Variants in CCDC93 observed in about 807,000 individuals in gnomAD.
The protein encoded by CCDC93 is coiled-coil domain-containing protein 93.
CCDC93 carries 61 observed loss-of-function variants against 108.2 expected under a neutral mutation model. The ratio of observed to expected loss-of-function variants is 0.56; its 90% CI spans 0.46 to 0.70. The LOEUF is 0.70. Among genes scored for constraint, CCDC93 ranks in the 30% least tolerant of loss-of-function variants. The probability of loss-of-function intolerance (pLI) is 0.00; values close to 1 mark genes in which losing one functional copy is unlikely to be tolerated. For synonymous variants in CCDC93, 276 were observed against 260.4 expected (o/e 1.06, Z -0.58); for missense variants, 685 against 764.2 (o/e 0.90, Z 1.22).
At chr2:117,923,641 C>T (rs1677966053) in intron 23 of CCDC93, among the ~76,000 whole-genome samples, 1 of 149,296 alleles carries the variant, frequency 6.7e-6, no homozygotes, top group Non-Finnish European at 1.5e-5. Context: ...GTGGAGCTCA[C>T]CGCAGCACAA....
Position 117,918,181 on chromosome 2 carries a change from A to C in CCDC93, c.*2162T>G, listed in dbSNP as rs1677748149. On this transcript the variant is annotated 3_prime_UTR_variant, in exon 24 of 24. Coordinates refer to ENST00000376300, the MANE Select transcript of CCDC93 (RefSeq NM_019044.5). ...CAAAAAGTCATGTAACATCCTAATT[A>C]CTCAGAAAGGCACTGTCCACACTGA... 1 of 152,154 alleles carries C rather than the reference A, an allele frequency of 6.6e-6. No homozygotes were observed. The highest frequency in any genetic ancestry group is 2.4e-5 in the African/African-American group (1 of 41,428). The allele number at this position is 152,154 out of a possible 1,614,324, so 9.4% of individuals were successfully genotyped here.
intron 2 of CCDC93, among the ~76,000 whole-genome samples, chr2:118,007,622 T>C (rs1297910149): frequency 2.0e-5 from 3 of 152,316 alleles, no homozygotes; most frequent in Non-Finnish European, 2.9e-5. Flanking sequence ...TGAGCCAAGA[T>C]TGAGCCATTG....
At chr2:117,934,287 A>C (rs1234677579) in intron 22 of CCDC93, among the ~76,000 whole-genome samples, 1 of 152,132 alleles carries the variant, frequency 6.6e-6, no homozygotes, top group Non-Finnish European at 1.5e-5. Context: ...CGTCTAACAC[A>C]CTGACACCTG....
At chr2:117,984,195 T>C (rs1680245326) in intron 7 of CCDC93, among the ~76,000 whole-genome samples, 1 of 151,920 alleles carries the variant, frequency 6.6e-6, no homozygotes, top group South Asian at 2.1e-4. Context: ...AAAAACAAAA[T>C]AACATCTCTC....
intron 12 of CCDC93, among the ~76,000 whole-genome samples, chr2:117,953,637 T>C (rs923132185): frequency 2.6e-5 from 4 of 151,062 alleles, no homozygotes; most frequent in African/African-American, 9.7e-5. Flanking sequence ...TGGGAAGTGA[T>C]TAAGTCATGA....
intron 3 of CCDC93, among the ~76,000 whole-genome samples, chr2:118,005,899 T>C (rs545215441): frequency 1.4e-4 from 21 of 152,286 alleles, no homozygotes; most frequent in African/African-American, 4.8e-4. Context: ...TGATGCTCAG[T>C]TACTCACAGA....
chr2:117,919,691 A>G lies in CCDC93; in HGVS notation c.*652T>C, dbSNP rs1275136488. 6.6e-6 allele frequency: 1 copy of G among 152,224 alleles called. No individual in the cohort carries two copies. The highest frequency in any genetic ancestry group is 1.5e-5 in the Non-Finnish European group (1 of 68,042). The allele number at this position is 152,224 out of a possible 1,614,324, so 9.4% of individuals were successfully genotyped here. On this transcript the variant is annotated 3_prime_UTR_variant, in exon 24 of 24. Transcript: ENST00000376300. ...TTGAGTAACGTATAAAAATTAAAAC[A>G]ACACTGAACTTTCGTTCCAGTTGCT...
chr2:117,958,470 T>C lies in CCDC93; in HGVS notation c.900A>G (p.Leu300=), dbSNP rs1049917783. 2 of 1,582,882 alleles carry C rather than the reference T, an allele frequency of 1.3e-6. No homozygotes were observed. Among genetic ancestry groups the C allele is most frequent in the Non-Finnish European group, 1.7e-6 (2 of 1,151,600 alleles). Residue 300 remains leucine (L), a synonymous_variant, in exon 12 of 24, where the codon CTA becomes CTG. Transcript: ENST00000376300. ...ATTTTTCTGGACTTTCTTCAGCTGA[T>C]AGCTCAGACTGCTGTGGAAAAAAGG... The part of the protein sequence containing the change: ...VSEYAEKQSE[L]SAEESPEKLG...
chr2:118,003,331 T>A (rs1294167423), intron 3 of CCDC93, among the ~76,000 whole-genome samples: 1 of 152,208 alleles, frequency 6.6e-6, no homozygotes, highest in East Asian at 1.9e-4. Flanking sequence ...CATAGCTTAT[T>A]TAATTTCCTT....
chr2:118,012,764 C>A (rs1677054241), intron 1 of CCDC93: 1 of 152,216 alleles, frequency 6.6e-6, no homozygotes, highest in Non-Finnish European at 1.5e-5. Context: ...CTTAAGACAA[C>A]AAAATGGACT....
intron 4 of CCDC93, chr2:117,998,081 C>G (rs1046911730): frequency 1.3e-5 from 2 of 152,210 alleles, no homozygotes. Context: ...TTCCCTAGCA[C>G]TCAAGAAAAA....
chr2:117,921,461 G>A (rs1677867958), intron 23 of CCDC93, among the ~76,000 whole-genome samples: 2 of 152,018 alleles, frequency 1.3e-5, no homozygotes, highest in South Asian at 4.1e-4. Flanking sequence ...CCATTCTCTG[G>A]GCAGGGTCAC....
chr2:117,994,684 A>T (rs551029896), intron 6 of CCDC93, among the ~76,000 whole-genome samples: 5 of 152,364 alleles, frequency 3.3e-5, no homozygotes, highest in Admixed American at 3.3e-4. Context: ...TCTGTATAAG[A>T]AGTACATCTG....
At chr2:118,001,016 C>CTTTA in intron 3 of CCDC93, 84 bp from the exon 4 acceptor site, 1 of 807,814 alleles carries the variant, frequency 1.2e-6, no homozygotes, top group Non-Finnish European at 2.1e-6. Flanking sequence ...GCATCACAGA[C>CTTTA]GGATCTGGGA....
intron 22 of CCDC93, among the ~76,000 whole-genome samples, chr2:117,932,568 A>G (rs1310636415): frequency 4.6e-5 from 7 of 152,152 alleles, no homozygotes; most frequent in Non-Finnish European, 1.0e-4. Context: ...ACAGGTCTGC[A>G]TACGGATGCC....
chr2:117,975,531 TTTGCCTGACTTACCC>T (rs1425619096), intron 8 of CCDC93, among the ~76,000 whole-genome samples: 1 of 152,150 alleles, frequency 6.6e-6, no homozygotes, highest in Admixed American at 6.5e-5. Context: ...GCCACACACA[TTTGCCTGACTTACCC>T]TTGCACTTTG....
chr2:117,971,873 T>G (rs1354749312), intron 11 of CCDC93, among the ~76,000 whole-genome samples: 1 of 152,216 alleles, frequency 6.6e-6, no homozygotes, highest in Non-Finnish European at 1.5e-5. Context: ...AATTTAATTT[T>G]GAAAAACCAT....
In CCDC93 at chr2:117,996,222, CTG is replaced by C. The variant is rs764526565; in HGVS notation, c.462+40_462+41del. 13 of 1,346,684 alleles carry C rather than the reference CTG, an allele frequency of 9.7e-6. No individual in the cohort carries two copies. In the Admixed American group the frequency reaches 2.0e-4, roughly 21 times the overall value. 83.4% of individuals were successfully genotyped at this position (1,346,684 alleles called of 1,614,324 possible). A position where few individuals can be genotyped will look rare whatever the true frequency, so the allele number is the denominator to read the frequency against. On this transcript the variant is annotated intron_variant, in intron 5 of 23. Coordinates refer to ENST00000376300, the MANE Select transcript of CCDC93 (RefSeq NM_019044.5). ...CTAGAGAGTCTCTTAAGTGTGCACTCTGTTTCTCAGTGGGACAAGAAAATAAA... is the reference window on the plus strand; with the variant it reads ...CTAGAGAGTCTCTTAAGTGTGCACTCTTTCTCAGTGGGACAAGAAAATAAA...
intron 3 of CCDC93, among the ~76,000 whole-genome samples, chr2:118,005,154 C>A (rs868543223): frequency 3.9e-5 from 6 of 152,126 alleles, no homozygotes; most frequent in Middle Eastern, 3.4e-3. Context: ...ATTGAGAAGA[C>A]ATAGAAAAAT....
Sources: allele counts gnomAD v4.1 joint callset (sites outside exome capture counted in the v4.1 genomes callset), GRCh38; gene constraint gnomAD v4.1.1; transcripts MANE v1.5; gene names NCBI Gene and HGNC (gene_info 2026-07-23, HGNC 2026-07-21).